Variants in KIT observed in about 807,000 individuals in gnomAD.
KIT encodes the protein mast/stem cell growth factor receptor Kit.
KIT carries 16 observed loss-of-function variants against 105.7 expected under a neutral mutation model. The observed-to-expected ratio is 0.15, with a 90% CI of 0.10 to 0.23. The LOEUF is 0.23. Ranked by LOEUF, KIT falls within the 10% of genes least tolerant of loss-of-function variation. The probability of loss-of-function intolerance (pLI) is 1.00; values close to 1 mark genes in which losing one functional copy is unlikely to be tolerated. For synonymous variants in KIT, 438 were observed against 441.1 expected, an observed-to-expected ratio of 0.99 and a Z score of 0.09; for missense variants, 858 against 1,213.8, an observed-to-expected ratio of 0.71 and a Z score of 4.36.
At chr4:54,663,958 G>T (rs1717489614) in intron 1 of KIT, among the ~76,000 whole-genome samples, 1 of 152,192 alleles carries the variant, frequency 6.6e-6, no homozygotes, top group Non-Finnish European at 1.5e-5. Context: ...TACGTTACAG[G>T]CTGGGGGTGG....
chr4:54,683,713 C>A (rs1307025200), intron 1 of KIT, among the ~76,000 whole-genome samples: 1 of 152,192 alleles, frequency 6.6e-6, no homozygotes, highest in Non-Finnish European at 1.5e-5. Flanking sequence ...TAGTAAGTTT[C>A]CTTAGAAGCA....
intron 1 of KIT, among the ~76,000 whole-genome samples, chr4:54,660,996 T>G (rs1448739108): frequency 6.6e-6 from 1 of 152,174 alleles, no homozygotes; most frequent in Non-Finnish European, 1.5e-5. Context: ...TTAATTAAAT[T>G]TTAGCTTGGA....
intron 8 of KIT, 144 bp from the exon 9 acceptor site, chr4:54,725,713 C>T: frequency 1.2e-6 from 1 of 805,802 alleles, no homozygotes; most frequent in Non-Finnish European, 2.1e-6. Context: ...CACCAAAGTG[C>T]TTATTCTTAG....
intron 11 of KIT, 101 bp downstream of exon 11, chr4:54,727,643 CAA>C: frequency 6.6e-7 from 1 of 1,511,506 alleles, no homozygotes; most frequent in Non-Finnish European, 9.2e-7. Context: ...CCACCTGAAA[CAA>C]TGAGTTTTCT....
chr4:54,699,601 T>C, intron 3 of KIT, 29 bp from the exon 4 acceptor site: 3 of 1,613,354 alleles, frequency 1.9e-6, no homozygotes, highest in Admixed American at 3.3e-5. Context: ...TACAAATTAT[T>C]TGAGGGGCCA....
chr4:54,680,548 C>T (rs1005305568), intron 1 of KIT, among the ~76,000 whole-genome samples: 6 of 151,882 alleles, frequency 4.0e-5, no homozygotes, highest in East Asian at 1.9e-4. Context: ...CCCGCCACCA[C>T]GCCCGGCTAA....
intron 1 of KIT, among the ~76,000 whole-genome samples, chr4:54,690,212 A>G (rs970396593): frequency 6.6e-5 from 10 of 152,168 alleles, no homozygotes; most frequent in Admixed American, 5.2e-4. Context: ...ACATTGGTGT[A>G]CAAGTATGGG....
At chr4:54,732,713 A>G (rs775685090) in intron 16 of KIT, among the ~76,000 whole-genome samples, 1 of 152,204 alleles carries the variant, frequency 6.6e-6, no homozygotes. Context: ...TTGCAAAGGC[A>G]TATTAGGAAC....
intron 1 of KIT, among the ~76,000 whole-genome samples, chr4:54,667,794 T>TA (rs1717810513): frequency 1.3e-5 from 2 of 152,344 alleles, no homozygotes; most frequent in South Asian, 2.1e-4. Flanking sequence ...GAAATAACTT[T>TA]TAAAAATGGA....
chr4:54,727,687 A>G (rs967243527), intron 11 of KIT, 136 bp from the exon 12 acceptor site: 19 of 1,300,902 alleles, frequency 1.5e-5, no homozygotes, highest in East Asian at 4.7e-5. Context: ...TAGGTTTGCC[A>G]TAGAGAACAT....
chr4:54,721,492 G>T (rs891094313), intron 7 of KIT, among the ~76,000 whole-genome samples: 1 of 152,226 alleles, frequency 6.6e-6, no homozygotes, highest in Admixed American at 6.5e-5. Context: ...TGTAAAGCTG[G>T]CATTGGATCC....
At position 54,717,189 on chromosome 4, in the gene KIT, A is replaced by G. The variant is rs182686210; in HGVS notation, c.1232-6395A>G. On this transcript the variant is annotated intron_variant, in intron 7 of 20. Coordinates refer to ENST00000288135, the MANE Select transcript of KIT (RefSeq NM_000222.3). ...GAATTGTTATAGATGTTTAAATTGGAAAAAAAAAGATATAATGGCAACCTA... is the reference window on the plus strand; with the variant it reads ...GAATTGTTATAGATGTTTAAATTGGGAAAAAAAAGATATAATGGCAACCTA... 1.9e-3 allele frequency among the ~76,000 whole-genome samples: 290 copies of G among 151,444 alleles called. 1 individual carries two copies. The highest frequency in any genetic ancestry group is 6.7e-3 in the African/African-American group (277 of 41,312).
At chr4:54,717,826 A>C (rs1409527558) in intron 7 of KIT, among the ~76,000 whole-genome samples, 1 of 152,046 alleles carries the variant, frequency 6.6e-6, no homozygotes, top group Non-Finnish European at 1.5e-5. Context: ...GAGTAGGAAA[A>C]AAGAGGCTTT....
At position 54,698,444 on chromosome 4, in the gene KIT, C is replaced by G. The variant is rs761831851; in HGVS notation, c.498C>G (p.Pro166=). 1.9e-6 allele frequency: 3 copies of G among 1,614,034 alleles called. No homozygotes were observed. In the African/African-American group the frequency reaches 4.0e-5, roughly 22 times the overall value. ...LPKDLRFIPD[P]KAGIMIKSVK... ...AGGACTTGAGGTTTATTCCTGACCC[C>G]AAGGCGGGCATCATGATCAAAAGTG... The change falls in exon 3 of 21, where the codon CCC becomes CCG. Residue 166 remains proline, a synonymous_variant. Coordinates refer to ENST00000288135, the MANE Select transcript of KIT (RefSeq NM_000222.3).
intron 1 of KIT, among the ~76,000 whole-genome samples, chr4:54,668,161 T>G (rs1177709255): frequency 6.6e-6 from 1 of 152,070 alleles, no homozygotes; most frequent in Non-Finnish European, 1.5e-5. Flanking sequence ...TCCCCCCGAG[T>G]CCTGTTTTAG....
chr4:54,726,071 A>G (rs1722199795), intron 9 of KIT, 21 bp downstream of exon 9: 1 of 1,580,278 alleles, frequency 6.3e-7, no homozygotes, highest in Non-Finnish European at 8.7e-7. Context: ...TTTTAATCCA[A>G]TTTAAGGGGA....
At chr4:54,678,084 A>G (rs1716711190) in intron 1 of KIT, among the ~76,000 whole-genome samples, 1 of 152,218 alleles carries the variant, frequency 6.6e-6, no homozygotes, top group African/African-American at 2.4e-5. Context: ...AGATTAAGTG[A>G]ATGTAATAAA....
chr4:54,734,629 G>A (rs950501686), intron 17 of KIT, among the ~76,000 whole-genome samples: 1 of 152,076 alleles, frequency 6.6e-6, no homozygotes, highest in African/African-American at 2.4e-5. Context: ...CAGGCTAGTG[G>A]GTAAGGAGAA....
chr4:54,661,372 G>C (rs1717256030), intron 1 of KIT, among the ~76,000 whole-genome samples: 1 of 152,166 alleles, frequency 6.6e-6, no homozygotes, highest in Non-Finnish European at 1.5e-5. Flanking sequence ...GATGAATTTT[G>C]CTGCTGTTGT....
Sources: gnomAD v4.1 joint callset for allele counts (sites outside exome capture counted in the v4.1 genomes callset) on GRCh38, gnomAD v4.1.1 for gene constraint, MANE v1.5 for transcripts, NCBI Gene and HGNC (gene_info 2026-07-23, HGNC 2026-07-21) for gene names.